The following ZSCAN25 variants were observed in gnomAD, a reference collection of about 807,000 sequenced individuals.
ZSCAN25 encodes the protein zinc finger and SCAN domain containing 25, also known as zinc finger and SCAN domain-containing protein 25.
In ZSCAN25, 27 loss-of-function variants were observed where a neutral mutation model predicts 38.7. The ratio of observed to expected loss-of-function variants is 0.70; its 90% CI spans 0.51 to 0.96. The LOEUF is 0.96. ZSCAN25 is among the 40% of genes least tolerant of loss of function. The pLI is 0.00. For synonymous variants in ZSCAN25, 273 were observed against 277.7 expected, an observed-to-expected ratio of 0.98 and a Z score of 0.17; for missense variants, 637 against 705.9, an observed-to-expected ratio of 0.90 and a Z score of 1.11.
chr7:99,650,267 A>G, the ZSCAN25 span: 1 of 1,597,172 alleles, frequency 6.3e-7, no homozygotes, highest in Non-Finnish European at 8.6e-7. Flanking sequence ...TAGTTAATGA[A>G]ACATAAAAAC....
chr7:99,732,109 G>T, the ZSCAN25 span, among the ~76,000 whole-genome samples: 18 of 152,268 alleles, frequency 1.2e-4, no homozygotes, highest in South Asian at 3.5e-3. Context: ...TTGTATCTTA[G>T]AGGCAGTTTC....
the ZSCAN25 span, chr7:99,660,678 C>T: frequency 6.2e-7 from 1 of 1,612,852 alleles, no homozygotes; most frequent in South Asian, 1.1e-5. Context: ...AGAGGAAAGA[C>T]ATTTTAGGTA....
chr7:99,704,554 G>A, the ZSCAN25 span, among the ~76,000 whole-genome samples: 2 of 152,094 alleles, frequency 1.3e-5, no homozygotes, highest in African/African-American at 2.4e-5. Flanking sequence ...GCCTCCCAAA[G>A]TGCTGGGATT....
chr7:99,726,877 A>AT, the ZSCAN25 span, among the ~76,000 whole-genome samples: 1 of 152,136 alleles, frequency 6.6e-6, no homozygotes, highest in African/African-American at 2.4e-5. Context: ...ATAATTCTTC[A>AT]TGAAAACACA....
chr7:99,684,836 T>G, the ZSCAN25 span: 5 of 191,440 alleles, frequency 2.6e-5, no homozygotes, highest in Admixed American at 2.7e-4. Flanking sequence ...TTTGATTCTT[T>G]TATCAGAGCT....
At chr7:99,622,210 C>G in intron 5 of ZSCAN25, 1 of 298,452 alleles carries the variant, frequency 3.4e-6, no homozygotes, top group Non-Finnish European at 6.4e-6. Context: ...CAGGCATGAG[C>G]CACCGCGCCC....
the ZSCAN25 span, among the ~76,000 whole-genome samples, chr7:99,678,934 A>G: frequency 1.3e-5 from 2 of 152,194 alleles, no homozygotes; most frequent in African/African-American, 4.8e-5. Flanking sequence ...GATGCCAGGA[A>G]TCCCACCAGT....
chr7:99,703,526 G>A, the ZSCAN25 span, among the ~76,000 whole-genome samples: 146,733 of 152,266 alleles, frequency 0.96, 70,911 homozygotes, highest in East Asian at 1. Context: ...TATATCTATC[G>A]TATATCTGTT....
chr7:99,638,464 C>A, the ZSCAN25 span: 21 of 1,537,240 alleles, frequency 1.4e-5, no homozygotes, highest in Non-Finnish European at 1.9e-5. Context: ...TGGTGCAGCT[C>A]CTGGCAAGCC....
At chr7:99,640,433 C>T in the ZSCAN25 span, among the ~76,000 whole-genome samples, 4 of 152,236 alleles carry the variant, frequency 2.6e-5, no homozygotes, top group African/African-American at 9.6e-5. Context: ...GCTGGGATTA[C>T]AGGCGTGAGC....
the ZSCAN25 span, among the ~76,000 whole-genome samples, chr7:99,643,033 G>A: frequency 6.6e-6 from 1 of 151,964 alleles, no homozygotes; most frequent in Admixed American, 6.6e-5. Flanking sequence ...CCCCATTAGT[G>A]GTCCTTAATA....
the ZSCAN25 span, among the ~76,000 whole-genome samples, chr7:99,656,751 A>G: frequency 3.3e-5 from 5 of 152,112 alleles, no homozygotes; most frequent in African/African-American, 1.2e-4. Flanking sequence ...TATTGCCTCA[A>G]TTTCAGAACC....
chr7:99,722,147 A>G, the ZSCAN25 span: 498 of 961,600 alleles, frequency 5.2e-4, 3 homozygotes, highest in South Asian at 6.9e-3. Flanking sequence ...CCAAATACAT[A>G]TCTTCTTCTT....
the ZSCAN25 span, among the ~76,000 whole-genome samples, chr7:99,684,218 G>C: frequency 2.0e-5 from 3 of 148,716 alleles, no homozygotes; most frequent in Non-Finnish European, 3.0e-5. Flanking sequence ...CACCCAGGCT[G>C]GAGTGTAATG....
At chr7:99,702,342 C>T in the ZSCAN25 span, among the ~76,000 whole-genome samples, 1 of 152,130 alleles carries the variant, frequency 6.6e-6, no homozygotes, top group African/African-American at 2.4e-5. Context: ...CTGTCTGCCT[C>T]AGCCTCTCAA....
the ZSCAN25 span, among the ~76,000 whole-genome samples, chr7:99,706,806 C>T: frequency 6.6e-6 from 1 of 152,332 alleles, no homozygotes; most frequent in East Asian, 1.9e-4. Flanking sequence ...GACTGCATAT[C>T]ACTCCTTAAA....
chr7:99,697,782 T>G, the ZSCAN25 span, among the ~76,000 whole-genome samples: 1 of 152,200 alleles, frequency 6.6e-6, no homozygotes, highest in South Asian at 2.1e-4. Context: ...TTTGGATCCT[T>G]GCCCCAGAAT....
Position 99,631,096 on chromosome 7 carries a change from A to G in ZSCAN25, c.*1076A>G. 5.1e-6 allele frequency: 5 copies of G among 985,410 alleles called. No homozygotes were observed. Among genetic ancestry groups the G allele is most frequent in the Non-Finnish European group, 6.0e-6 (5 of 829,914 alleles). 61.0% of individuals were successfully genotyped at this position (985,410 alleles called of 1,614,324 possible). A position where few individuals can be genotyped will look rare whatever the true frequency, so the allele number is the denominator to read the frequency against. On this transcript the variant is annotated 3_prime_UTR_variant, in exon 8 of 8. Coordinates refer to ENST00000394152, the MANE Select transcript of ZSCAN25 (RefSeq NM_145115.3). ...AGAAGCTGTTGACCTCGTAGAGCTT[A>G]TGTCTCGTGGATGTACCTGATCTTC...
At chr7:99,635,657 T>C (rs1808244849), downstream of ZSCAN25, among the ~76,000 whole-genome samples, 2 of 152,194 alleles carry the variant, frequency 1.3e-5, no homozygotes, top group South Asian at 4.1e-4. Context: ...AGCAATCACT[T>C]GATGTATAAA....
Sources: allele counts gnomAD v4.1 joint callset (sites outside exome capture counted in the v4.1 genomes callset), GRCh38; gene constraint gnomAD v4.1.1; transcripts MANE v1.5; gene names NCBI Gene and HGNC (gene_info 2026-07-23, HGNC 2026-07-21).